The following SPATA22 variants were observed in gnomAD, a reference collection of about 807,000 sequenced individuals.
SPATA22 encodes spermatogenesis-associated protein 22.
SPATA22 carries 29 observed loss-of-function variants against 47.8 expected under a neutral mutation model. That is an observed-to-expected ratio of 0.61 (90% CI 0.45 to 0.83). The LOEUF is 0.83. Ranked by LOEUF, SPATA22 falls within the 40% of genes least tolerant of loss-of-function variation. SPATA22 has a pLI of 0.00. For synonymous variants in SPATA22, 133 were observed against 140.9 expected (o/e 0.94, Z 0.40); for missense variants, 410 against 421.7 (o/e 0.97, Z 0.24).
chr17:3,478,897 C>T (rs999158108), intron 1 of SPATA22, among the ~76,000 whole-genome samples: 2 of 152,138 alleles, frequency 1.3e-5, no homozygotes, highest in African/African-American at 2.4e-5. Flanking sequence ...TCACTAAGTC[C>T]TCCCAATTAT....
rs545223532 is a variant in SPATA22 at position 3,458,855 on chromosome 17, C to CAAAAAA, written c.329+3622_329+3627dup. ...CCTGGGCAACAAGAGCGAAACTTCA[C>CAAAAAA]AAAAAAAAAAAAAAAAAAAAAAAAA... On this transcript the variant is annotated intron_variant, in intron 5 of 8. Coordinates refer to ENST00000572969, the MANE Select transcript of SPATA22 (RefSeq NM_001170698.2). Among the ~76,000 whole-genome samples the CAAAAAA allele has an allele frequency of 7.7e-3, 295 of 38,226 alleles. 4 individuals are homozygous for CAAAAAA. Among genetic ancestry groups the CAAAAAA allele is most frequent in the Non-Finnish European group, 0.01 (226 of 22,182 alleles). The allele number at this position is 38,226 out of a possible 152,430, so 25.1% of individuals were successfully genotyped here.
At chr17:3,450,160 T>C (rs2072824339) in intron 5 of SPATA22, among the ~76,000 whole-genome samples, 2 of 152,094 alleles carry the variant, frequency 1.3e-5, no homozygotes, top group African/African-American at 4.8e-5. Flanking sequence ...GCCCACAAAT[T>C]CTTAATTCTC....
upstream of SPATA22, chr17:3,471,894 G>T: frequency 1.0e-6 from 1 of 983,268 alleles, no homozygotes; most frequent in Non-Finnish European, 1.2e-6. Context: ...TTCGCTGCCT[G>T]CCTGGCCGCC....
At chr17:3,449,614 A>G (rs942194355) in intron 5 of SPATA22, among the ~76,000 whole-genome samples, 1 of 152,224 alleles carries the variant, frequency 6.6e-6, no homozygotes, top group Non-Finnish European at 1.5e-5. Flanking sequence ...AATCACAAGG[A>G]GAATACATAT....
chr17:3,444,947 A>G (rs972955543), intron 7 of SPATA22, among the ~76,000 whole-genome samples: 1 of 152,070 alleles, frequency 6.6e-6, no homozygotes, highest in Non-Finnish European at 1.5e-5. Flanking sequence ...TCATTTCTTG[A>G]TAAGAATGTC....
chr17:3,440,217 G>GT lies in SPATA22; in HGVS notation c.1021dup (p.Thr341AsnfsTer12). On this transcript the variant is annotated frameshift_variant, in exon 9 of 9. Transcript: ENST00000572969. LOFTEE classifies it high-confidence loss of function. Reference sequence around the variant, plus strand: ...TGCAATTTTGACAAATGCCTGGAAAGTTTTTTGTTCAGAAACAGACGCCGG... The same window carrying GT: ...TGCAATTTTGACAAATGCCTGGAAAGTTTTTTTGTTCAGAAACAGACGCCGG... 6.2e-7 allele frequency: 1 copy of GT among 1,610,680 alleles called. No individual in the cohort carries two copies. The highest frequency in any genetic ancestry group is 1.1e-5 in the South Asian group (1 of 90,338).
At chr17:3,463,905 C>T (rs1026159494) in intron 3 of SPATA22, among the ~76,000 whole-genome samples, 25 of 150,368 alleles carry the variant, frequency 1.7e-4, no homozygotes, top group Non-Finnish European at 1.5e-5. Flanking sequence ...TAAAAAAACA[C>T]TGATCCTCTC....
intron 5 of SPATA22, among the ~76,000 whole-genome samples, chr17:3,452,700 G>A (rs2072891579): frequency 6.6e-6 from 1 of 151,848 alleles, no homozygotes; most frequent in South Asian, 2.1e-4. Context: ...AATGAAAGAG[G>A]AGACATACAA....
chr17:3,454,618 A>G (rs536842622), intron 5 of SPATA22, among the ~76,000 whole-genome samples: 3 of 152,128 alleles, frequency 2.0e-5, no homozygotes, highest in Admixed American at 1.3e-4. Context: ...GTCCCTACAA[A>G]GGACATGAAC....
At chr17:3,497,026 A>T (rs2073920826) in intron 1 of SPATA22, among the ~76,000 whole-genome samples, 1 of 152,230 alleles carries the variant, frequency 6.6e-6, no homozygotes, top group African/African-American at 2.4e-5. Flanking sequence ...AGATTGTGCC[A>T]CTGCACTCCA....
intron 1 of SPATA22, among the ~76,000 whole-genome samples, chr17:3,484,743 T>TC (rs1349833444): frequency 6.6e-6 from 1 of 152,248 alleles, no homozygotes; most frequent in Non-Finnish European, 1.5e-5. Flanking sequence ...CTTTAATTTC[T>TC]GTACATATCT....
intron 5 of SPATA22, among the ~76,000 whole-genome samples, chr17:3,453,090 A>G (rs1166368337): frequency 6.6e-6 from 1 of 152,218 alleles, no homozygotes; most frequent in African/African-American, 2.4e-5. Context: ...CTACAGGCCA[A>G]TATCACTAAA....
chr17:3,484,564 T>C (rs1484144437), intron 1 of SPATA22, among the ~76,000 whole-genome samples: 4 of 152,228 alleles, frequency 2.6e-5, no homozygotes, highest in Middle Eastern at 3.2e-3. Flanking sequence ...AACAGGATTC[T>C]AGACAAGTGT....
chr17:3,460,249 G>A (rs7217304), intron 5 of SPATA22, among the ~76,000 whole-genome samples: 1 of 151,748 alleles, frequency 6.6e-6, no homozygotes, highest in Non-Finnish European at 1.5e-5. Context: ...TTTTTCCCAT[G>A]GATAAAGACA....
At chr17:3,505,868 G>A (rs557910300) in intron 1 of SPATA22, among the ~76,000 whole-genome samples, 40 of 151,126 alleles carry the variant, frequency 2.6e-4, no homozygotes, top group African/African-American at 9.0e-4. Flanking sequence ...AGCGATTCTC[G>A]TGCCTCAGCC....
chr17:3,479,356 C>T (rs1370507711), intron 1 of SPATA22, among the ~76,000 whole-genome samples: 1 of 152,140 alleles, frequency 6.6e-6, no homozygotes, highest in Non-Finnish European at 1.5e-5. Flanking sequence ...TTGTCGGGCG[C>T]GACCTCAGGG....
intron 1 of SPATA22, among the ~76,000 whole-genome samples, chr17:3,509,881 C>T (rs1481918150): frequency 1.3e-5 from 2 of 152,164 alleles, no homozygotes; most frequent in Non-Finnish European, 2.9e-5. Flanking sequence ...GATGGTATCT[C>T]ACTGTGGTTT....
chr17:3,460,174 C>T (rs1465273678), intron 5 of SPATA22, among the ~76,000 whole-genome samples: 3 of 152,092 alleles, frequency 2.0e-5, no homozygotes, highest in South Asian at 2.1e-4. Context: ...TACATCAGAA[C>T]TGTGTGTTTT....
upstream of SPATA22, among the ~76,000 whole-genome samples, chr17:3,473,720 A>C (rs2073482199): frequency 6.6e-6 from 1 of 151,936 alleles, no homozygotes; most frequent in Non-Finnish European, 1.5e-5. Flanking sequence ...ATGGTCTCGA[A>C]CTCCTGACCT....
Sources: gnomAD v4.1 joint callset for allele counts (sites outside exome capture counted in the v4.1 genomes callset) on GRCh38, gnomAD v4.1.1 for gene constraint, MANE v1.5 for transcripts, NCBI Gene and HGNC (gene_info 2026-07-23, HGNC 2026-07-21) for gene names.